The following CDK6 variants were observed in gnomAD, a reference collection of about 807,000 sequenced individuals.
CDK6 encodes cyclin-dependent kinase 6.
CDK6 carries 6 observed loss-of-function variants against 37.1 expected under a neutral mutation model. The ratio of observed to expected loss-of-function variants is 0.16; its 90% CI spans 0.09 to 0.32. CDK6 has a LOEUF of 0.32. CDK6 is among the 10% of genes least tolerant of loss of function. The pLI is 1.00. For synonymous variants in CDK6, 160 were observed against 161.3 expected (o/e 0.99, Z 0.06); for missense variants, 224 against 418.9 (o/e 0.53, Z 4.06).
intron 4 of CDK6, among the ~76,000 whole-genome samples, chr7:92,720,681 G>A (rs1412859143): frequency 6.6e-6 from 1 of 152,198 alleles, no homozygotes; most frequent in Non-Finnish European, 1.5e-5. Flanking sequence ...TCTGCTCTAA[G>A]ACATGTCAGA....
chr7:92,789,782 C>G (rs1466629678), intron 2 of CDK6, among the ~76,000 whole-genome samples: 1 of 152,084 alleles, frequency 6.6e-6, no homozygotes, highest in Non-Finnish European at 1.5e-5. Context: ...AAAGTATATA[C>G]TATTACTCTC....
Position 92,607,734 on chromosome 7 carries a change from G to A in CDK6, c.*7406C>T, listed in dbSNP as rs1364307117. ...AGAACAACTTGAAAAAAAATCCCCC[G>A]CCTGTCAGGTGCTGTTCCTGGGGGT... On this transcript the variant is annotated 3_prime_UTR_variant, in exon 8 of 8. Coordinates refer to ENST00000424848, the MANE Select transcript of CDK6 (RefSeq NM_001145306.2). 2.2e-5 allele frequency: 5 copies of A among 230,892 alleles called. No individual in the cohort carries two copies. Among genetic ancestry groups the A allele is most frequent in the Non-Finnish European group, 3.4e-5 (4 of 116,826 alleles). 14.3% of individuals were successfully genotyped at this position (230,892 alleles called of 1,614,324 possible). A position where few individuals can be genotyped will look rare whatever the true frequency, so the allele number is the denominator to read the frequency against.
chr7:92,720,372 T>C (rs1366507730), intron 4 of CDK6, among the ~76,000 whole-genome samples: 4 of 152,106 alleles, frequency 2.6e-5, no homozygotes, highest in Admixed American at 6.6e-5. Context: ...ATATAAACAT[T>C]AGAATTCTCC....
At chr7:92,618,784 T>A (rs1424185054) in intron 6 of CDK6, among the ~76,000 whole-genome samples, 1 of 152,170 alleles carries the variant, frequency 6.6e-6, no homozygotes, top group African/African-American at 2.4e-5. Context: ...TATACAAACA[T>A]GATTTTATAA....
At chr7:92,618,870 T>A (rs1300994151) in intron 6 of CDK6, among the ~76,000 whole-genome samples, 1 of 152,180 alleles carries the variant, frequency 6.6e-6, no homozygotes, top group South Asian at 2.1e-4. Context: ...CTGAAAACCA[T>A]TCTGGGATCA....
At chr7:92,685,303 T>A (rs1208682378) in intron 4 of CDK6, among the ~76,000 whole-genome samples, 1 of 152,120 alleles carries the variant, frequency 6.6e-6, no homozygotes, top group Non-Finnish European at 1.5e-5. Flanking sequence ...GATACATGTG[T>A]GAACATAAAA....
At chr7:92,708,301 T>C (rs1798010911) in intron 4 of CDK6, among the ~76,000 whole-genome samples, 1 of 152,220 alleles carries the variant, frequency 6.6e-6, no homozygotes, top group Admixed American at 6.5e-5. Context: ...ACTTTTATAA[T>C]AGACATAAAC....
chr7:92,805,995 T>C (rs1272170065), intron 2 of CDK6, among the ~76,000 whole-genome samples: 1 of 152,226 alleles, frequency 6.6e-6, no homozygotes, highest in Non-Finnish European at 1.5e-5. Context: ...GTTCTGGAGA[T>C]AGCAGTGATG....
intron 6 of CDK6, among the ~76,000 whole-genome samples, chr7:92,619,665 G>T (rs1209843219): frequency 6.6e-6 from 1 of 151,708 alleles, no homozygotes; most frequent in African/African-American, 2.4e-5. Context: ...CGGAGCCCAG[G>T]CCATAGACTT....
chr7:92,733,152 C>T (rs999310270), intron 3 of CDK6, among the ~76,000 whole-genome samples: 3 of 152,210 alleles, frequency 2.0e-5, no homozygotes, highest in Non-Finnish European at 4.4e-5. Context: ...GGGTGAGGTA[C>T]AGACCCAATG....
At chr7:92,761,597 G>A (rs1178973505) in intron 3 of CDK6, among the ~76,000 whole-genome samples, 1 of 152,142 alleles carries the variant, frequency 6.6e-6, no homozygotes, top group African/African-American at 2.4e-5. Context: ...AATAATGTGT[G>A]CCTTTGTTTA....
chr7:92,806,975 G>A (rs1048481039), intron 2 of CDK6, among the ~76,000 whole-genome samples: 2 of 152,120 alleles, frequency 1.3e-5, no homozygotes, highest in Non-Finnish European at 2.9e-5. Context: ...TTGGGCAAGA[G>A]GTCAACAATT....
At chr7:92,674,830 AT>A (rs1797168065) in intron 4 of CDK6, among the ~76,000 whole-genome samples, 2 of 152,088 alleles carry the variant, frequency 1.3e-5, no homozygotes, top group South Asian at 4.1e-4. Context: ...GGAAAATATT[AT>A]TTCTTTCTTT....
intron 2 of CDK6, among the ~76,000 whole-genome samples, chr7:92,829,634 T>A (rs534208908): frequency 6.6e-6 from 1 of 152,346 alleles, no homozygotes; most frequent in South Asian, 2.1e-4. Context: ...AATGTTCACT[T>A]ATATTAGCTA....
intron 2 of CDK6, among the ~76,000 whole-genome samples, chr7:92,825,036 A>AG (rs1388838639): frequency 6.6e-6 from 1 of 152,142 alleles, no homozygotes; most frequent in East Asian, 1.9e-4. Context: ...CAGAGAGACT[A>AG]GTACAATAAA....
intron 4 of CDK6, among the ~76,000 whole-genome samples, chr7:92,696,606 C>T (rs1797723733): frequency 6.6e-6 from 1 of 152,000 alleles, no homozygotes; most frequent in Non-Finnish European, 1.5e-5. Context: ...TGTCAGGGAC[C>T]AGATCAAATG....
intron 2 of CDK6, among the ~76,000 whole-genome samples, chr7:92,813,912 T>C (rs1356650003): frequency 6.6e-6 from 1 of 152,180 alleles, no homozygotes; most frequent in African/African-American, 2.4e-5. Context: ...ACCTTGCTTT[T>C]TCACTTCCTG....
At chr7:92,821,596 T>C (rs1191425974) in intron 2 of CDK6, among the ~76,000 whole-genome samples, 1 of 152,100 alleles carries the variant, frequency 6.6e-6, no homozygotes, top group Non-Finnish European at 1.5e-5. Context: ...GAAACATATC[T>C]GACAACTGAC....
At chr7:92,799,173 TAC>T (rs1345904776) in intron 2 of CDK6, among the ~76,000 whole-genome samples, 1 of 152,212 alleles carries the variant, frequency 6.6e-6, no homozygotes, top group Non-Finnish European at 1.5e-5. Flanking sequence ...CACTTTGTGC[TAC>T]AGTTTCTACA....
Sources: allele counts gnomAD v4.1 joint callset (sites outside exome capture counted in the v4.1 genomes callset), GRCh38; gene constraint gnomAD v4.1.1; transcripts MANE v1.5; gene names NCBI Gene and HGNC (gene_info 2026-07-23, HGNC 2026-07-21).